The following PHTF2 variants were observed in gnomAD, a reference collection of about 807,000 sequenced individuals.
PHTF2 encodes the protein protein PHTF2.
Under a neutral mutation model 101.2 loss-of-function variants are expected in PHTF2, and 60 were observed. The observed-to-expected ratio is 0.59, with a 90% CI of 0.48 to 0.73. PHTF2 has a LOEUF of 0.73. Ranked by LOEUF, PHTF2 falls within the 30% of genes least tolerant of loss-of-function variation. The pLI, the probability that PHTF2 is intolerant of heterozygous loss-of-function variation, is 0.00. For synonymous variants in PHTF2, 311 were observed against 307.3 expected (o/e 1.01, Z -0.13); for missense variants, 747 against 908.7 (o/e 0.82, Z 2.29).
intron 9 of PHTF2, among the ~76,000 whole-genome samples, chr7:77,914,139 G>A (rs1802681881): frequency 6.6e-6 from 1 of 151,696 alleles, no homozygotes; most frequent in African/African-American, 2.4e-5. Context: ...TGAGTCACAT[G>A]CTGGGAGTAC....
intron 16 of PHTF2, 103 bp from the exon 16 acceptor site, chr7:77,949,575 T>TA: frequency 1.6e-6 from 1 of 637,138 alleles, no homozygotes; most frequent in Non-Finnish European, 2.7e-6. Context: ...AGAATGTTTC[T>TA]AAAATGTAAT....
rs1021557520 is a variant in PHTF2 at position 77,935,124 on chromosome 7, C to CG, written c.1339-2586_1339-2585insG. Among the ~76,000 whole-genome samples, 10 of 66,056 alleles carry CG rather than the reference C, an allele frequency of 1.5e-4. 1 individual carries two copies. Among genetic ancestry groups the CG allele is most frequent in the African/African-American group, 3.6e-4 (8 of 22,188 alleles). The allele number at this position is 66,056 out of a possible 152,430, so 43.3% of individuals were successfully genotyped here. ...AGACTGTTTTTCAGTGTACATTCCCCCCCCCCACACACACACACAGAGGAA... is the reference window on the plus strand; with the variant it reads ...AGACTGTTTTTCAGTGTACATTCCCCGCCCCCCACACACACACACAGAGGAA... On this transcript the variant is annotated intron_variant, in intron 12 of 19. Coordinates refer to ENST00000416283, the Ensembl canonical transcript of PHTF2.
intron 2 of PHTF2, among the ~76,000 whole-genome samples, chr7:77,844,398 CTT>C (rs1472227446): frequency 6.6e-6 from 1 of 152,160 alleles, no homozygotes; most frequent in Non-Finnish European, 1.5e-5. Flanking sequence ...TTTGTAGACT[CTT>C]TTGAACATGA....
chr7:77,846,546 T>TCCCTCCCCTC (rs1360755390), intron 2 of PHTF2, among the ~76,000 whole-genome samples: 1 of 93,546 alleles, frequency 1.1e-5, no homozygotes, highest in Non-Finnish European at 2.0e-5. Flanking sequence ...TCCCTTCCCT[T>TCCCTCCCCTC]CCCTCCCCTC....
chr7:77,907,400 G>A (rs1388118152), intron 7 of PHTF2, among the ~76,000 whole-genome samples: 1 of 152,162 alleles, frequency 6.6e-6, no homozygotes, highest in South Asian at 2.1e-4. Flanking sequence ...TTGAGTTGCA[G>A]GTGGCAGAAA....
chr7:77,897,846 A>T (rs1397325217), intron 5 of PHTF2, among the ~76,000 whole-genome samples: 1 of 151,922 alleles, frequency 6.6e-6, no homozygotes, highest in South Asian at 2.1e-4. Context: ...ACGCCTGACT[A>T]ATTTTTGTAT....
chr7:77,868,322 ATTTTTTTTTTTTT>A (rs761861776), intron 3 of PHTF2, among the ~76,000 whole-genome samples: 6 of 78,526 alleles, frequency 7.6e-5, no homozygotes, highest in South Asian at 5.7e-4. Context: ...TTAAAAAAAA[ATTTTTTTTTTTTT>A]TTTTTTTTTT....
At chr7:77,888,827 T>C (rs1428183076) in intron 3 of PHTF2, among the ~76,000 whole-genome samples, 1 of 151,762 alleles carries the variant, frequency 6.6e-6, no homozygotes, top group Non-Finnish European at 1.5e-5. Flanking sequence ...CAAGTCTCTC[T>C]GAGCAACAGA....
At chr7:77,869,596 T>TATAA (rs1286324038) in intron 3 of PHTF2, among the ~76,000 whole-genome samples, 5 of 152,216 alleles carry the variant, frequency 3.3e-5, no homozygotes, top group African/African-American at 4.8e-5. Flanking sequence ...TATTGCTAGA[T>TATAA]CATATGGTAG....
chr7:77,936,059 A>C (rs1485247744), intron 12 of PHTF2, among the ~76,000 whole-genome samples: 1 of 152,172 alleles, frequency 6.6e-6, no homozygotes, highest in Non-Finnish European at 1.5e-5. Flanking sequence ...CAAGTAGTGA[A>C]ATGTATACCA....
intron 3 of PHTF2, among the ~76,000 whole-genome samples, chr7:77,878,622 A>G (rs1053301839): frequency 2.0e-5 from 3 of 152,170 alleles, no homozygotes; most frequent in Non-Finnish European, 2.9e-5. Context: ...TTTAAACTAT[A>G]AACTAAATTC....
At chr7:77,915,028 C>G (rs547306462) in intron 9 of PHTF2, among the ~76,000 whole-genome samples, 36 of 151,334 alleles carry the variant, frequency 2.4e-4, no homozygotes, top group African/African-American at 8.3e-4. Context: ...TCTTCTCCCT[C>G]AGCCTCCCGA....
At chr7:77,877,093 T>A (rs1365707546) in intron 3 of PHTF2, among the ~76,000 whole-genome samples, 1 of 151,840 alleles carries the variant, frequency 6.6e-6, no homozygotes, top group Non-Finnish European at 1.5e-5. Flanking sequence ...TTAATGGAAG[T>A]CAGTAATGAT....
At chr7:77,880,756 T>G (rs1336137796) in intron 3 of PHTF2, among the ~76,000 whole-genome samples, 1 of 152,174 alleles carries the variant, frequency 6.6e-6, no homozygotes, top group Non-Finnish European at 1.5e-5. Context: ...TGCTGAATTG[T>G]TCAGGAGAAG....
At chr7:77,946,522 A>G (rs1399441486) in intron 16 of PHTF2, among the ~76,000 whole-genome samples, 1 of 152,242 alleles carries the variant, frequency 6.6e-6, no homozygotes, top group Admixed American at 6.5e-5. Context: ...GACTTTACAG[A>G]CACATTATTT....
At chr7:77,901,980 G>T in intron 7 of PHTF2, 60 bp downstream of exon 6, 1 of 1,068,908 alleles carries the variant, frequency 9.4e-7, no homozygotes, top group East Asian at 2.7e-5. Flanking sequence ...GGTTTAATAA[G>T]TCTTTGTTTT....
At chr7:77,954,875 A>C (rs756887530) in exon 20 of PHTF2, 1 of 1,513,592 alleles carries the variant, frequency 6.6e-7, no homozygotes, top group Non-Finnish European at 9.1e-7. Flanking sequence ...AGATTAAGTC[A>C]TGACAATTCA....
intron 16 of PHTF2, among the ~76,000 whole-genome samples, chr7:77,947,096 G>C (rs546195771): frequency 6.6e-6 from 1 of 152,060 alleles, no homozygotes; most frequent in Admixed American, 6.6e-5. Context: ...ACTCCAGCCT[G>C]GAGTAACAGA....
intron 1 of PHTF2, among the ~76,000 whole-genome samples, chr7:77,806,929 T>C (rs2150474050): frequency 6.6e-6 from 1 of 152,348 alleles, no homozygotes; most frequent in East Asian, 1.9e-4. Flanking sequence ...TTCTGAAACT[T>C]TGTGCTGTTA....
Sources: allele counts gnomAD v4.1 joint callset (sites outside exome capture counted in the v4.1 genomes callset), GRCh38; gene constraint gnomAD v4.1.1; transcripts MANE v1.5; gene names NCBI Gene and HGNC (gene_info 2026-07-23, HGNC 2026-07-21).